EIF2AK2: variants seen among roughly 807,000 people sequenced by gnomAD.
EIF2AK2 encodes the protein eukaryotic translation initiation factor 2 alpha kinase 2.
Under a neutral mutation model 70.5 loss-of-function variants are expected in EIF2AK2, and 40 were observed. The ratio of observed to expected loss-of-function variants is 0.57; its 90% CI spans 0.44 to 0.74. EIF2AK2 has a LOEUF of 0.74. Ranked by LOEUF, EIF2AK2 falls within the 30% of genes least tolerant of loss-of-function variation. EIF2AK2 has a pLI of 0.00. For missense variants in EIF2AK2, 555 were observed against 644.3 expected, an observed-to-expected ratio of 0.86 and a Z score of 1.50; for synonymous variants, 198 against 220.9, an observed-to-expected ratio of 0.90 and a Z score of 0.92.
intron 14 of EIF2AK2, among the ~76,000 whole-genome samples, chr2:37,112,380 G>A (rs969580187): frequency 6.6e-6 from 1 of 152,126 alleles, no homozygotes; most frequent in Non-Finnish European, 1.5e-5. Context: ...TGGAGGACTC[G>A]AATAAGTGAG....
intron 1 of EIF2AK2, among the ~76,000 whole-genome samples, chr2:37,152,927 G>A (rs1346229133): frequency 6.6e-6 from 1 of 152,156 alleles, no homozygotes; most frequent in Non-Finnish European, 1.5e-5. Context: ...CAATCTGGGA[G>A]GCATCCTTGA....
chr2:37,110,157 A>G (rs1044220823), intron 14 of EIF2AK2, among the ~76,000 whole-genome samples: 22 of 149,822 alleles, frequency 1.5e-4, no homozygotes, highest in South Asian at 2.1e-4. Context: ...AGCAGCCCCC[A>G]CCTCCCAGGT....
Position 37,126,314 on chromosome 2 carries a change from T to C in EIF2AK2, c.883A>G (p.Ile295Val). ...KHRIDGKTYV[I>V]KRVKYNNEKA... ...TCGTTATTATATTTAACACGTTTAA[T>C]AACGTAAGTCTTTCCGTCAATTCTG... The change falls in exon 11 of 17, where the codon ATT becomes GTT. Residue 295 changes from isoleucine (I) to valine (V), a missense_variant. Physicochemically the swap from Ile to Val is conservative, Grantham distance 29 (BLOSUM62 3). This residue lies in a region of EIF2AK2 where 299 missense variants were observed against 375.4 expected (regional missense o/e 0.80). Coordinates refer to ENST00000233057, the MANE Select transcript of EIF2AK2 (RefSeq NM_001135651.3). 1.9e-6 allele frequency: 3 copies of C among 1,607,420 alleles called. No individual in the cohort carries two copies. The highest frequency in any genetic ancestry group is 2.2e-5 in the East Asian group (1 of 44,784).
At chr2:37,122,810 A>C in intron 11 of EIF2AK2, 146 bp from the exon 12 acceptor site, 2 of 1,043,776 alleles carry the variant, frequency 1.9e-6, no homozygotes, top group African/African-American at 3.2e-5. Flanking sequence ...GGAAGCCAGG[A>C]CATTCAAAAG....
chr2:37,117,825 T>C (rs1674397538), intron 13 of EIF2AK2, among the ~76,000 whole-genome samples: 1 of 152,198 alleles, frequency 6.6e-6, no homozygotes, highest in Non-Finnish European at 1.5e-5. Flanking sequence ...TGGTAAACAC[T>C]TGGAGACTTT....
At chr2:37,143,909 A>C (rs144817918) in intron 4 of EIF2AK2, among the ~76,000 whole-genome samples, 211 of 152,272 alleles carry the variant, frequency 1.4e-3, no homozygotes, top group African/African-American at 3.4e-3. Context: ...ACAACAACAA[A>C]AAAACTATTT....
chr2:37,147,188 C>T (rs553484933), intron 3 of EIF2AK2, among the ~76,000 whole-genome samples: 12 of 152,296 alleles, frequency 7.9e-5, no homozygotes, highest in Admixed American at 2.6e-4. Context: ...TCAACTGTGG[C>T]TCCACCATGG....
At chr2:37,151,287 C>A (rs75116944) in intron 1 of EIF2AK2, among the ~76,000 whole-genome samples, 4,851 of 152,088 alleles carry the variant, frequency 0.032, 117 homozygotes, top group South Asian at 0.064. Context: ...GGCAAAGGGG[C>A]TTGAACAGAC....
intron 10 of EIF2AK2, among the ~76,000 whole-genome samples, chr2:37,131,654 C>T (rs536896468): frequency 5.9e-5 from 9 of 152,124 alleles, no homozygotes; most frequent in African/African-American, 1.4e-4. Context: ...GTTCTCTTGC[C>T]GTGTTTTACC....
At position 37,114,743 on chromosome 2, in the gene EIF2AK2, C is replaced by T; in HGVS notation, c.1365G>A (p.Met455Ile). ...RTRSKGTLRY[M>I]SPEQISSQDY... ...AAAGAGACCTTACCTGTTCTGGGCTCATGTATCGCAAAGTTCCCTTACTCC... is the reference window on the plus strand; with the variant it reads ...AAAGAGACCTTACCTGTTCTGGGCTTATGTATCGCAAAGTTCCCTTACTCC... The change falls in exon 14 of 17, where the codon ATG (methionine) becomes ATA (isoleucine). Residue 455 changes from methionine (M) to isoleucine (I), a missense_variant. Met to Ile is a conservative substitution (Grantham distance 10). This residue lies in a region of EIF2AK2 where 299 missense variants were observed against 375.4 expected (regional missense o/e 0.80). Transcript: ENST00000233057. 1 of 1,588,582 alleles carries T rather than the reference C, an allele frequency of 6.3e-7. No homozygotes were observed. Among genetic ancestry groups the T allele is most frequent in the Non-Finnish European group, 8.5e-7 (1 of 1,169,914 alleles).
At chr2:37,146,217 G>A (rs1277408060) in intron 4 of EIF2AK2, among the ~76,000 whole-genome samples, 1 of 152,172 alleles carries the variant, frequency 6.6e-6, no homozygotes, top group Non-Finnish European at 1.5e-5. Context: ...CACAGCCTAG[G>A]TGTGTACTGG....
chr2:37,133,149 C>A (rs763479667), intron 10 of EIF2AK2, among the ~76,000 whole-genome samples: 1 of 152,144 alleles, frequency 6.6e-6, no homozygotes, highest in Non-Finnish European at 1.5e-5. Flanking sequence ...AAAAATCACC[C>A]GCACCAGGTA....
rs536992086 is a variant in EIF2AK2, at chr2:37,138,962, A to AT, written c.517-378dup. 4.1e-3 allele frequency among the ~76,000 whole-genome samples: 581 copies of AT among 140,740 alleles called. 5 individuals carry two copies. Among genetic ancestry groups the AT allele is most frequent in the African/African-American group, 9.8e-3 (374 of 38,222 alleles). The allele number at this position is 140,740 out of a possible 152,430, so 92.3% of individuals were successfully genotyped here. On this transcript the variant is annotated intron_variant, in intron 6 of 16. Transcript: ENST00000233057. ...AGGTACATGCCACCACACCCGTCTAATTTTTTTTTTTTTTTGTAGCGACAT... is the reference window on the plus strand; with the variant it reads ...AGGTACATGCCACCACACCCGTCTAATTTTTTTTTTTTTTTTGTAGCGACAT...
chr2:37,115,706 C>A (rs907238553), intron 13 of EIF2AK2, among the ~76,000 whole-genome samples: 7 of 152,014 alleles, frequency 4.6e-5, no homozygotes. Flanking sequence ...CCATTCCCAA[C>A]AATAGTGCAG....
At chr2:37,108,960 T>C (rs1054053958) in intron 15 of EIF2AK2, among the ~76,000 whole-genome samples, 2 of 152,216 alleles carry the variant, frequency 1.3e-5, no homozygotes, top group African/African-American at 4.8e-5. Context: ...TGACAAGTCT[T>C]ACAAGTCTTA....
At chr2:37,149,080 G>C in intron 1 of EIF2AK2, 57 bp from the exon 2 acceptor site, 1 of 944,380 alleles carries the variant, frequency 1.1e-6, no homozygotes, top group Admixed American at 1.7e-5. Flanking sequence ...TCAGACAGAC[G>C]AGTGATACCA....
At chr2:37,148,469 A>C (rs1246042540) in intron 2 of EIF2AK2, 1 of 484,346 alleles carries the variant, frequency 2.1e-6, no homozygotes, top group East Asian at 4.3e-5. Context: ...GCTAAGGGTG[A>C]TCAGCCCGTG....
At chr2:37,107,741 C>A (rs1208325107) in intron 15 of EIF2AK2, among the ~76,000 whole-genome samples, 1 of 152,150 alleles carries the variant, frequency 6.6e-6, no homozygotes, top group African/African-American at 2.4e-5. Context: ...AGTGCATCAT[C>A]TTTACAATCT....
At position 37,102,791 on chromosome 2, in the gene EIF2AK2, T is replaced by A. The variant is rs1673858656; in HGVS notation, c.*4482A>T. 1 of 152,184 alleles carries A rather than the reference T, an allele frequency of 6.6e-6. No individual in the cohort carries two copies. Among genetic ancestry groups the A allele is most frequent in the African/African-American group, 2.4e-5 (1 of 41,442 alleles). The allele number at this position is 152,184 out of a possible 1,614,324, so 9.4% of individuals were successfully genotyped here. On this transcript the variant is annotated 3_prime_UTR_variant, in exon 17 of 17. Coordinates refer to ENST00000233057, the MANE Select transcript of EIF2AK2 (RefSeq NM_001135651.3). ...CTGGCCATACACACACATGCACACATACCACATACCCACATGTATATATGC... is the reference window on the plus strand; with the variant it reads ...CTGGCCATACACACACATGCACACAAACCACATACCCACATGTATATATGC...
Sources: allele counts gnomAD v4.1 joint callset (sites outside exome capture counted in the v4.1 genomes callset), GRCh38; gene constraint gnomAD v4.1.1; regional missense constraint gnomAD v4.1.1; transcripts MANE v1.5; gene names NCBI Gene and HGNC (gene_info 2026-07-23, HGNC 2026-07-21).